The following PDCD6IP variants were observed in gnomAD, a reference collection of about 807,000 sequenced individuals.
PDCD6IP encodes programmed cell death 6 interacting protein.
A neutral mutation model predicts 103.7 loss-of-function variants in PDCD6IP; 43 were observed. That is an observed-to-expected ratio of 0.41 (90% CI 0.32 to 0.53). The LOEUF (loss-of-function observed/expected upper bound fraction) is 0.53. Ranked by LOEUF, PDCD6IP falls within the 20% of genes least tolerant of loss-of-function variation. PDCD6IP has a pLI of 0.16. For synonymous variants in PDCD6IP, 354 were observed against 378.7 expected, an observed-to-expected ratio of 0.93 and a Z score of 0.76; for missense variants, 871 against 1,036.7, an observed-to-expected ratio of 0.84 and a Z score of 2.20.
intron 3 of PDCD6IP, among the ~76,000 whole-genome samples, chr3:33,814,515 A>T (rs1035746027): frequency 7.0e-6 from 1 of 143,672 alleles, no homozygotes; most frequent in Admixed American, 7.2e-5. Context: ...ATGAATAATT[A>T]TATTATTATA....
chr3:33,852,783 A>G (rs1697747641), intron 13 of PDCD6IP, 47 bp downstream of exon 13: 12 of 1,531,166 alleles, frequency 7.8e-6, no homozygotes, highest in Non-Finnish European at 1.0e-5. Flanking sequence ...AAATTACAGA[A>G]AAGATATGTC....
chr3:33,829,004 A>T, intron 7 of PDCD6IP, 35 bp downstream of exon 7: 2 of 1,500,934 alleles, frequency 1.3e-6, no homozygotes, highest in South Asian at 1.3e-5. Context: ...TAAGTAACTA[A>T]CTTGGATCTC....
intron 15 of PDCD6IP, among the ~76,000 whole-genome samples, chr3:33,857,256 C>A (rs867444443): frequency 4.2e-4 from 64 of 152,226 alleles, no homozygotes; most frequent in African/African-American, 1.5e-3. Context: ...TCTTGGCTCA[C>A]TGCAACCTCT....
intron 7 of PDCD6IP, among the ~76,000 whole-genome samples, chr3:33,831,587 A>G (rs1035011189): frequency 6.6e-6 from 1 of 152,166 alleles, no homozygotes; most frequent in African/African-American, 2.4e-5. Context: ...TGTGGGCTTG[A>G]AATTTTTCAA....
chr3:33,863,559 T>C (rs1485863154), intron 15 of PDCD6IP, among the ~76,000 whole-genome samples: 1 of 152,244 alleles, frequency 6.6e-6, no homozygotes, highest in Non-Finnish European at 1.5e-5. Flanking sequence ...CATGATGGCC[T>C]CCAGTTCCAT....
At position 33,798,898 on chromosome 3, in the gene PDCD6IP, C is replaced by G. The variant is rs368462021; in HGVS notation, c.170C>G (p.Pro57Arg). The G allele has an allele frequency of 2.6e-6, 4 of 1,546,888 alleles. No homozygotes were observed. Among genetic ancestry groups the G allele is most frequent in the South Asian group, 2.4e-5 (2 of 83,936 alleles). The change falls in exon 1 of 18, where the codon CCG (proline) becomes CGG (arginine). Residue 57 changes from proline to arginine, a missense_variant. Pro to Arg is a moderately radical substitution (Grantham distance 103). Around this residue, in one of 5 missense-constraint regions of PDCD6IP, gnomAD observed 114 missense variants for 106.7 expected, o/e 1.07. Transcript: ENST00000307296. The part of the protein sequence containing the change: ...SKLRRAAVGR[P>R]LDKHEGALET... ...CTGCGCCGCGCCGCAGTCGGTCGTC[C>G]GCTGGACAAGCACGAGGGCGCGCTC...
chr3:33,799,930 C>G (rs35040734), intron 1 of PDCD6IP, among the ~76,000 whole-genome samples: 39,747 of 151,572 alleles, frequency 0.26, 5,482 homozygotes, highest in East Asian at 0.39. Context: ...ACCATCCTGG[C>G]TAGCACGGTG....
chr3:33,841,573 G>A (rs1312048101), intron 9 of PDCD6IP, among the ~76,000 whole-genome samples: 2 of 150,420 alleles, frequency 1.3e-5, no homozygotes, highest in Non-Finnish European at 3.0e-5. Flanking sequence ...TGAGTAGCTG[G>A]GACTACAGGC....
chr3:33,852,867 G>T, intron 13 of PDCD6IP, 131 bp downstream of exon 13: 4 of 1,053,602 alleles, frequency 3.8e-6, no homozygotes, highest in South Asian at 3.2e-5. Context: ...CTTAATACAT[G>T]TATATTTTGT....
intron 7 of PDCD6IP, among the ~76,000 whole-genome samples, chr3:33,832,355 A>C (rs1196570144): frequency 6.6e-6 from 1 of 152,192 alleles, no homozygotes; most frequent in East Asian, 1.9e-4. Context: ...AAATACCATC[A>C]CATTAGGAGT....
chr3:33,861,147 A>ATT (rs71740776), intron 15 of PDCD6IP, among the ~76,000 whole-genome samples: 1 of 145,814 alleles, frequency 6.9e-6, no homozygotes, highest in Non-Finnish European at 1.5e-5. Context: ...TCTAATCTGT[A>ATT]TTTTTTTTTT....
At chr3:33,835,995 A>C in intron 7 of PDCD6IP, 49 bp from the exon 8 acceptor site, 3 of 1,051,480 alleles carry the variant, frequency 2.9e-6, no homozygotes, top group Non-Finnish European at 4.3e-6. Context: ...AAGAGAAATA[A>C]AATCACCTCC....
At chr3:33,854,126 A>C in intron 14 of PDCD6IP, 113 bp downstream of exon 14, 1 of 1,218,324 alleles carries the variant, frequency 8.2e-7, no homozygotes, top group Non-Finnish European at 1.1e-6. Context: ...CTAGAATTTT[A>C]GCTTTAATGC....
At chr3:33,828,634 C>T in intron 6 of PDCD6IP, 1 of 328,238 alleles carries the variant, frequency 3.0e-6, no homozygotes. Flanking sequence ...TTAAAAAAAA[C>T]CCCTTCAATT....
intron 1 of PDCD6IP, 128 bp downstream of exon 1, chr3:33,799,065 G>GT: frequency 1.1e-6 from 1 of 893,540 alleles, no homozygotes; most frequent in South Asian, 1.8e-5. Flanking sequence ...GACCAGGCGC[G>GT]TAGGTGTGGT....
In PDCD6IP at chr3:33,837,612, C is replaced by T. The variant is rs189060400; in HGVS notation, c.1058-592C>T. On this transcript the variant is annotated intron_variant, in intron 8 of 17. Coordinates refer to ENST00000307296, the MANE Select transcript of PDCD6IP (RefSeq NM_013374.6). Reference sequence around the variant, plus strand: ...TCAATTTTTTTTTTTTTTTTGAGACCGAGTCTTGCTCTGTTGCCCAGGCTG... The same window carrying T: ...TCAATTTTTTTTTTTTTTTTGAGACTGAGTCTTGCTCTGTTGCCCAGGCTG... Among the ~76,000 whole-genome samples the T allele has an allele frequency of 3.5e-3, 531 of 150,976 alleles. 4 individuals are homozygous for T. The highest frequency in any genetic ancestry group is 0.012 in the African/African-American group (479 of 41,100).
At chr3:33,854,602 A>G (rs1366157339) in intron 14 of PDCD6IP, 4 of 152,300 alleles carry the variant, frequency 2.6e-5, no homozygotes, top group African/African-American at 9.6e-5. Flanking sequence ...CATAATAATC[A>G]CTGAATAAAG....
At chr3:33,828,710 A>G in intron 6 of PDCD6IP, 143 bp from the exon 7 acceptor site, 1 of 684,686 alleles carries the variant, frequency 1.5e-6, no homozygotes, top group South Asian at 3.0e-5. Flanking sequence ...CTCTGTTTAC[A>G]CCTAATGACT....
intron 12 of PDCD6IP, among the ~76,000 whole-genome samples, chr3:33,845,967 C>T (rs1697582828): frequency 6.6e-6 from 1 of 152,208 alleles, no homozygotes; most frequent in African/African-American, 2.4e-5. Context: ...CTCCTTTCCA[C>T]CTTGTTTCAC....
Sources: gnomAD v4.1 joint callset for allele counts (sites outside exome capture counted in the v4.1 genomes callset) on GRCh38, gnomAD v4.1.1 for gene constraint, gnomAD v4.1.1 regional missense constraint, MANE v1.5 for transcripts, NCBI Gene and HGNC (gene_info 2026-07-23, HGNC 2026-07-21) for gene names.